KNTC1: variants seen among roughly 807,000 people sequenced by gnomAD.
KNTC1 encodes the protein kinetochore-associated protein 1.
KNTC1 carries 253 observed loss-of-function variants against 314.4 expected under a neutral mutation model. The observed-to-expected ratio is 0.80, with a 90% CI of 0.73 to 0.89. KNTC1 has a LOEUF of 0.89. Ranked by LOEUF, KNTC1 falls within the 40% of genes least tolerant of loss-of-function variation. The pLI, the probability that KNTC1 is intolerant of heterozygous loss-of-function variation, is 0.00. For synonymous variants in KNTC1, 901 were observed against 901.4 expected (o/e 1.00, Z 0.01); for missense variants, 2,475 against 2,572.9 (o/e 0.96, Z 0.82).
intron 5 of KNTC1, among the ~76,000 whole-genome samples, chr12:122,541,590 C>T (rs933722285): frequency 3.6e-4 from 54 of 151,978 alleles, no homozygotes; most frequent in Admixed American, 2.7e-3. Context: ...CGTGATCTAC[C>T]TGCCTTGGCC....
Position 122,572,925 on chromosome 12 carries a change from CTT to C in KNTC1, c.2020-9_2020-8del, listed in dbSNP as rs780831509. The C allele has an allele frequency of 1.3e-6, 2 of 1,526,858 alleles. No homozygotes were observed. The highest frequency in any genetic ancestry group is 1.7e-4 in the Middle Eastern group (1 of 5,906). 94.6% of individuals were successfully genotyped at this position (1,526,858 alleles called of 1,614,324 possible). A position where few individuals can be genotyped will look rare whatever the true frequency, so the allele number is the denominator to read the frequency against. On this transcript the variant is annotated splice_polypyrimidine_tract_variant and intron_variant, in intron 24 of 63. Coordinates refer to ENST00000333479, the MANE Select transcript of KNTC1 (RefSeq NM_014708.6). ...TTTTATATCGTTAACAACTTTAACA[CTT>C]TTGTTTTAGAAAGATTATCAGAACA...
At chr12:122,572,517 T>C (rs768180526) in intron 24 of KNTC1, among the ~76,000 whole-genome samples, 4 of 152,184 alleles carry the variant, frequency 2.6e-5, no homozygotes, top group Non-Finnish European at 4.4e-5. Context: ...CTGTAAAACA[T>C]TATTTTTATC....
At position 122,582,877 on chromosome 12, in the gene KNTC1, T is replaced by A. The variant is rs1302400186; in HGVS notation, c.3155T>A (p.Leu1052Gln). The A allele has an allele frequency of 1.2e-6, 2 of 1,612,558 alleles. No individual in the cohort carries two copies. Among genetic ancestry groups the A allele is most frequent in the East Asian group, 4.5e-5 (2 of 44,878 alleles). ...EVRSPSMESK[L>Q]HRQALALQMS... is the part of the protein sequence containing the mutation. Reference sequence around the variant, plus strand: ...AGGAGCCCAAGCATGGAATCAAAGCTGCACAGACAGGCACTGGCCCTGCAG... The same window carrying A: ...AGGAGCCCAAGCATGGAATCAAAGCAGCACAGACAGGCACTGGCCCTGCAG... The change falls in exon 34 of 64, where the codon CTG (leucine) becomes CAG (glutamine). Residue 1052 changes from leucine (L) to glutamine (Q), a missense_variant. By Grantham distance (113) the Leu-to-Gln change is moderately radical. Coordinates refer to ENST00000333479, the MANE Select transcript of KNTC1 (RefSeq NM_014708.6).
At chr12:122,538,494 C>A (rs1194384421) in intron 4 of KNTC1, 40 bp downstream of exon 4, 1 of 1,089,972 alleles carries the variant, frequency 9.2e-7, no homozygotes, top group South Asian at 1.5e-5. Flanking sequence ...TATTTAAATT[C>A]TAAATAATCT....
Position 122,605,321 on chromosome 12 carries a change from C to T in KNTC1, c.5402C>T (p.Ala1801Val). ...GTDYPDIHAAAKEIAEVNEIN... is the reference protein window; with the variant it reads ...GTDYPDIHAAVKEIAEVNEIN... ...AATATCTTAGATATTCATGCAGCAG[C>T]TAAAGAAATAGCCGAAGTCAATGAA... is the stretch of plus-strand genomic sequence containing the variant. The change falls in exon 51 of 64, where the codon GCT becomes GTT. Residue 1801 changes from alanine (A) to valine (V), a missense_variant. By Grantham distance (64) the Ala-to-Val change is moderately conservative. Transcript: ENST00000333479. 6.3e-7 allele frequency: 1 copy of T among 1,595,332 alleles called. No homozygotes were observed. The highest frequency in any genetic ancestry group is 1.7e-4 in the Middle Eastern group (1 of 6,036).
intron 3 of KNTC1, among the ~76,000 whole-genome samples, chr12:122,537,306 A>G (rs1392978699): frequency 6.6e-6 from 1 of 152,158 alleles, no homozygotes; most frequent in Non-Finnish European, 1.5e-5. Flanking sequence ...TTAACACTGC[A>G]AAATGCACCA....
chr12:122,614,568 T>C (rs1037766894), intron 55 of KNTC1, among the ~76,000 whole-genome samples: 2 of 152,128 alleles, frequency 1.3e-5, no homozygotes, highest in African/African-American at 4.8e-5. Context: ...GGGTCTTCGA[T>C]AGACATTCAC....
At position 122,573,177 on chromosome 12, in the gene KNTC1, TAA is replaced by T. The variant is rs1286638662; in HGVS notation, c.2177_2178del (p.Lys726SerfsTer23). ...TTTIVFRMFD[K>X]VLAPELIPSI... ...CCACCATAGTGTTCCGAATGTTTGA[TAA>T]AGTGCTGGCCCCAGAGCTTATTCCC... is the stretch of plus-strand genomic sequence containing the variant. On this transcript the variant is annotated frameshift_variant, in exon 26 of 64. Coordinates refer to ENST00000333479, the MANE Select transcript of KNTC1 (RefSeq NM_014708.6). LOFTEE classifies it high-confidence loss of function. 16 of 1,613,964 alleles carry T rather than the reference TAA, an allele frequency of 9.9e-6. No homozygotes were observed. Among genetic ancestry groups the T allele is most frequent in the Admixed American group, 3.3e-5 (2 of 60,016 alleles).
chr12:122,532,081 T>TG (rs1961382646), intron 2 of KNTC1, among the ~76,000 whole-genome samples: 1 of 151,126 alleles, frequency 6.6e-6, no homozygotes, highest in South Asian at 2.1e-4. Flanking sequence ...TAGCCCAGGC[T>TG]GGAGTACAGT....
intron 16 of KNTC1, among the ~76,000 whole-genome samples, chr12:122,555,616 A>G (rs1480101148): frequency 6.6e-6 from 1 of 152,012 alleles, no homozygotes; most frequent in African/African-American, 2.4e-5. Flanking sequence ...TTGGAAGGCC[A>G]GGGCGGGCAG....
intron 51 of KNTC1, among the ~76,000 whole-genome samples, chr12:122,608,429 C>T (rs1872761420): frequency 6.6e-6 from 1 of 152,142 alleles, no homozygotes; most frequent in Non-Finnish European, 1.5e-5. Context: ...TGCACCTGGC[C>T]ACCATTAGGT....
intron 9 of KNTC1, 75 bp from the exon 10 acceptor site, chr12:122,546,547 A>T (rs748858639): frequency 5.5e-5 from 53 of 962,398 alleles, no homozygotes; most frequent in Non-Finnish European, 7.6e-5. Flanking sequence ...CCTTTCTGTG[A>T]ATATGTTAGT....
At chr12:122,541,799 T>C (rs1283454841) in intron 5 of KNTC1, among the ~76,000 whole-genome samples, 3 of 151,532 alleles carry the variant, frequency 2.0e-5, no homozygotes, top group Admixed American at 2.0e-4. Flanking sequence ...GGCAAGCAGA[T>C]CATGAGGTCA....
At chr12:122,594,667 T>C (rs938195917) in intron 43 of KNTC1, among the ~76,000 whole-genome samples, 7 of 152,334 alleles carry the variant, frequency 4.6e-5, no homozygotes, top group African/African-American at 1.4e-4. Flanking sequence ...TCTGACTCAG[T>C]GGGTCTGGAC....
In KNTC1 at chr12:122,582,527, G is replaced by A. The variant is rs1228227490; in HGVS notation, c.2983-178G>A. ...GCATCAGGTACTATGCTGGGTGATG[G>A]GATCAGTTGTACCTCAAGCCTCAGC... is the stretch of plus-strand genomic sequence containing the variant. On this transcript the variant is annotated intron_variant, in intron 33 of 63. Transcript: ENST00000333479. Among the ~76,000 whole-genome samples the A allele has an allele frequency of 2.0e-5, 3 of 151,828 alleles. No homozygotes were observed. In the East Asian group the frequency reaches 5.8e-4, roughly 29 times the overall value.
chr12:122,618,315 T>C lies in KNTC1; in HGVS notation c.6031-28T>C, dbSNP rs559308382. 30 of 1,608,036 alleles carry C rather than the reference T, an allele frequency of 1.9e-5. No homozygotes were observed. In the Middle Eastern group the frequency reaches 6.6e-4, roughly 35 times the overall value. ...GAGTTTGTAATATCCTTAACATGAA[T>C]ATCCCAAACGTGGACTTGTTTTCAC... On this transcript the variant is annotated intron_variant, in intron 57 of 63. Transcript: ENST00000333479.
rs1961652169 is a variant in KNTC1 at position 122,534,756 on chromosome 12, TA to T, written c.223del (p.Arg75AspfsTer15). The T allele has an allele frequency of 1.9e-6, 3 of 1,612,658 alleles. No individual in the cohort carries two copies. The highest frequency in any genetic ancestry group is 2.7e-5 in the African/African-American group (2 of 74,922). ...CAGTGATATTGCTTGACAGTATTTG[TA>T]GATCACTTCAATTGCATCTTGTCTT... ...QSVILLDSIC[R>X]SLQLHLVFDT... On this transcript the variant is annotated frameshift_variant, in exon 3 of 64. Coordinates refer to ENST00000333479, the MANE Select transcript of KNTC1 (RefSeq NM_014708.6). LOFTEE classifies it high-confidence loss of function.
chr12:122,604,754 A>G (rs1872390581), intron 49 of KNTC1, 117 bp downstream of exon 49: 2 of 1,225,066 alleles, frequency 1.6e-6, no homozygotes, highest in Admixed American at 2.1e-5. Context: ...CCAAGGCTTT[A>G]TGTAGATGCT....
rs1172084633 is a variant in KNTC1 at position 122,547,405 on chromosome 12, T to G, written c.817-10T>G. 6.5e-7 allele frequency: 1 copy of G among 1,532,760 alleles called. No homozygotes were observed. Among genetic ancestry groups the G allele is most frequent in the Non-Finnish European group, 9.0e-7 (1 of 1,107,870 alleles). The allele number at this position is 1,532,760 out of a possible 1,614,324, so 94.9% of individuals were successfully genotyped here. A position where few individuals can be genotyped will look rare whatever the true frequency, so the allele number is the denominator to read the frequency against. Reference sequence around the variant, plus strand: ...AAAAAGGACATGTAAATGAAATGTCTCTATTGCAGAACGTGCTGAGTTTAT... The same window carrying G: ...AAAAAGGACATGTAAATGAAATGTCGCTATTGCAGAACGTGCTGAGTTTAT... On this transcript the variant is annotated splice_polypyrimidine_tract_variant and intron_variant, in intron 10 of 63. Transcript: ENST00000333479.
Sources: allele counts gnomAD v4.1 joint callset (sites outside exome capture counted in the v4.1 genomes callset), GRCh38; gene constraint gnomAD v4.1.1; transcripts MANE v1.5; gene names NCBI Gene and HGNC (gene_info 2026-07-23, HGNC 2026-07-21).